The following DENND4C variants were observed in gnomAD, a reference collection of about 807,000 sequenced individuals.
DENND4C encodes the protein DENN domain containing 4C, also known as DENN domain-containing protein 4C.
A neutral mutation model predicts 203.0 loss-of-function variants in DENND4C; 108 were observed. That is an observed-to-expected ratio of 0.53 (90% CI 0.46 to 0.62). The LOEUF is 0.62. DENND4C is among the 20% of genes least tolerant of loss of function. The probability of loss-of-function intolerance (pLI) is 0.00; values close to 1 mark genes in which losing one functional copy is unlikely to be tolerated. For missense variants in DENND4C, 2,481 were observed against 2,301.2 expected (o/e 1.08, Z -1.60); for synonymous variants, 871 against 792.4 (o/e 1.10, Z -1.67).
intron 1 of DENND4C, among the ~76,000 whole-genome samples, chr9:19,266,148 C>G (rs1400669621): frequency 6.6e-6 from 1 of 152,168 alleles, no homozygotes; most frequent in Non-Finnish European, 1.5e-5. Context: ...GATCGTCATT[C>G]TAACTGGTGT....
intron 9 of DENND4C, 85 bp from the exon 10 acceptor site, chr9:19,305,267 G>C: frequency 8.5e-7 from 1 of 1,171,156 alleles, no homozygotes; most frequent in Non-Finnish European, 1.2e-6. Flanking sequence ...GCTTTTCAGT[G>C]GTCCCTTTTC....
intron 29 of DENND4C, among the ~76,000 whole-genome samples, chr9:19,360,826 G>A (rs1826315498): frequency 1.3e-5 from 2 of 152,272 alleles, no homozygotes; most frequent in Non-Finnish European, 2.9e-5. Flanking sequence ...AGCTCCTGGA[G>A]TTGTAGATAA....
chr9:19,293,414 A>G (rs2131213380), intron 5 of DENND4C, among the ~76,000 whole-genome samples: 1 of 152,262 alleles, frequency 6.6e-6, no homozygotes, highest in Non-Finnish European at 1.5e-5. Flanking sequence ...TTTATAAAAT[A>G]CAGAAGTAAG....
intron 1 of DENND4C, among the ~76,000 whole-genome samples, chr9:19,253,986 C>A (rs148795211): frequency 5.9e-5 from 9 of 152,110 alleles, no homozygotes; most frequent in Non-Finnish European, 1.2e-4. Flanking sequence ...ACAAAAAATA[C>A]AAAAATTATA....
chr9:19,305,574 T>G (rs1374605404), intron 10 of DENND4C, 47 bp downstream of exon 10: 2 of 1,540,610 alleles, frequency 1.3e-6, no homozygotes, highest in Non-Finnish European at 1.8e-6. Flanking sequence ...TTTTTCACTA[T>G]GTAGAGTTAC....
In DENND4C at chr9:19,317,181, C is replaced by CTT. The variant is rs11331413; in HGVS notation, c.1807+361_1807+362dup. 2.2e-3 allele frequency among the ~76,000 whole-genome samples: 276 copies of CTT among 126,956 alleles called. 1 individual carries two copies. Among genetic ancestry groups the CTT allele is most frequent in the Middle Eastern group, 4.3e-3 (1 of 232 alleles). The allele number at this position is 126,956 out of a possible 152,430, so 83.3% of individuals were successfully genotyped here. A position where few individuals can be genotyped will look rare whatever the true frequency, so the allele number is the denominator to read the frequency against. On this transcript the variant is annotated intron_variant, in intron 12 of 32. Coordinates refer to ENST00000434457, the MANE Select transcript of DENND4C (RefSeq NM_001330640.2). ...TTGCATAGTTCCTTGGATTTGTACA[C>CTT]TTTTTTTTTTTTTTTTTTTTAATAG...
chr9:19,302,752 C>T (rs1395445172), intron 9 of DENND4C, among the ~76,000 whole-genome samples: 1 of 152,182 alleles, frequency 6.6e-6, no homozygotes, highest in East Asian at 1.9e-4. Flanking sequence ...CACTCTTCTC[C>T]AGCATTCTGG....
intron 26 of DENND4C, among the ~76,000 whole-genome samples, chr9:19,355,105 T>C (rs1251925283): frequency 6.6e-6 from 1 of 151,588 alleles, no homozygotes; most frequent in Non-Finnish European, 1.5e-5. Context: ...AGAGACAGGG[T>C]TTCACCATGT....
chr9:19,361,382 G>C (rs938403601), intron 29 of DENND4C, among the ~76,000 whole-genome samples: 2 of 152,212 alleles, frequency 1.3e-5, no homozygotes, highest in Non-Finnish European at 2.9e-5. Flanking sequence ...CTGGGATCCT[G>C]ATTCCATTAG....
chr9:19,330,265 G>A (rs1025997941), intron 16 of DENND4C, among the ~76,000 whole-genome samples: 2 of 143,136 alleles, frequency 1.4e-5, no homozygotes, highest in East Asian at 2.2e-4. Context: ...ACAAGGGCAT[G>A]TATTTTTAAA....
chr9:19,352,322 A>C, intron 25 of DENND4C, 140 bp downstream of exon 25: 1 of 1,029,472 alleles, frequency 9.7e-7, no homozygotes, highest in Non-Finnish European at 1.4e-6. Flanking sequence ...TTGATGTCTT[A>C]TGTAAGTAAG....
chr9:19,294,601 G>A (rs1837042867), intron 5 of DENND4C, among the ~76,000 whole-genome samples: 1 of 152,182 alleles, frequency 6.6e-6, no homozygotes, highest in Admixed American at 6.5e-5. Flanking sequence ...TTGTAGCAGG[G>A]TTATTCACGA....
At chr9:19,341,311 CTTTTT>C (rs5896841) in intron 21 of DENND4C, among the ~76,000 whole-genome samples, 197 bp downstream of exon 21, 10 of 120,142 alleles carry the variant, frequency 8.3e-5, no homozygotes, top group Admixed American at 1.7e-4. Flanking sequence ...TTCTTTCTTT[CTTTTT>C]TTTTTTTTTT....
In DENND4C at chr9:19,345,934, T is replaced by G; in HGVS notation, c.3165T>G (p.Asn1055Lys). The G allele has an allele frequency of 6.2e-7, 1 of 1,610,476 alleles. No homozygotes were observed. Among genetic ancestry groups the G allele is most frequent in the Non-Finnish European group, 8.5e-7 (1 of 1,178,496 alleles). ...TTTCCCTTTTAGGTAGTATATCAAA[T>G]GTGCTGTTTTCTACTCAAGATCCAG... ...SRKSSTGSIS[N>K]VLFSTQDPVE... The change falls in exon 23 of 33, where the codon AAT becomes AAG. Residue 1055 changes from asparagine to lysine, a missense_variant. Coordinates refer to ENST00000434457, the MANE Select transcript of DENND4C (RefSeq NM_001330640.2).
intron 12 of DENND4C, among the ~76,000 whole-genome samples, chr9:19,321,353 G>A (rs1334481002): frequency 6.6e-6 from 1 of 152,136 alleles, no homozygotes; most frequent in African/African-American, 2.4e-5. Context: ...GGAATGTAAG[G>A]TAGAGTGGGA....
intron 1 of DENND4C, among the ~76,000 whole-genome samples, chr9:19,248,667 GGT>G (rs1457387036): frequency 1.3e-5 from 2 of 152,312 alleles, no homozygotes; most frequent in South Asian, 2.1e-4. Flanking sequence ...TGGGATTACA[GGT>G]GTGTGCCTCT....
chr9:19,298,006 A>G lies in DENND4C; in HGVS notation c.1041-50A>G, dbSNP rs769131108. 9.4e-6 allele frequency: 13 copies of G among 1,382,362 alleles called. No individual in the cohort carries two copies. The East Asian group carries it at 2.3e-4, about 24-fold the overall frequency. 85.6% of individuals were successfully genotyped at this position (1,382,362 alleles called of 1,614,324 possible). A position where few individuals can be genotyped will look rare whatever the true frequency, so the allele number is the denominator to read the frequency against. ...TATTTAAGATTTGTTAAAAACTGTGATGCATTTAGAAAAGTAATTATTATA... is the reference window on the plus strand; with the variant it reads ...TATTTAAGATTTGTTAAAAACTGTGGTGCATTTAGAAAAGTAATTATTATA... On this transcript the variant is annotated intron_variant, in intron 6 of 32. Transcript: ENST00000434457.
intron 13 of DENND4C, among the ~76,000 whole-genome samples, 181 bp downstream of exon 13, chr9:19,324,688 C>G (rs1843433469): frequency 6.6e-6 from 1 of 152,146 alleles, no homozygotes; most frequent in African/African-American, 2.4e-5. Context: ...TTTCAAGTTT[C>G]TACCACATAT....
intron 2 of DENND4C, among the ~76,000 whole-genome samples, chr9:19,277,283 A>G (rs1426596005): frequency 6.6e-6 from 1 of 152,102 alleles, no homozygotes; most frequent in Non-Finnish European, 1.5e-5. Context: ...TCTGCAGAGT[A>G]TTGTCATCTT....
Sources: allele counts gnomAD v4.1 joint callset (sites outside exome capture counted in the v4.1 genomes callset), GRCh38; gene constraint gnomAD v4.1.1; transcripts MANE v1.5; gene names NCBI Gene and HGNC (gene_info 2026-07-23, HGNC 2026-07-21).